The following PRKX variants were observed in gnomAD, a reference collection of about 807,000 sequenced individuals.
PRKX encodes cAMP-dependent protein kinase catalytic subunit PRKX.
In PRKX, 12 loss-of-function variants were observed where a neutral mutation model predicts 22.0. The observed-to-expected ratio is 0.54, with a 90% CI of 0.35 to 0.88. The LOEUF (loss-of-function observed/expected upper bound fraction) is 0.88, where lower values mean the gene tolerates loss of function less well. PRKX is among the 40% of genes least tolerant of loss of function. The pLI, the probability that PRKX is intolerant of heterozygous loss-of-function variation, is 0.01. For missense variants in PRKX, 217 were observed against 308.0 expected, an observed-to-expected ratio of 0.70 and a Z score of 2.21; for synonymous variants, 134 against 137.7, an observed-to-expected ratio of 0.97 and a Z score of 0.19.
In PRKX at chrX:3,713,642, A is replaced by T. The variant is rs1038188558; in HGVS notation, c.-389T>A. ...CGTGCGCGCTGTTGGGGCGGGCGGA[A>T]GCCGCCTGGGCGTGACCGCGCCTCT... On this transcript the variant is annotated 5_prime_UTR_variant, in exon 1 of 9. Coordinates refer to ENST00000262848, the MANE Select transcript of PRKX (RefSeq NM_005044.5). 3 of 115,537 alleles carry T rather than the reference A, an allele frequency of 2.6e-5. No homozygotes were observed. The highest frequency in any genetic ancestry group is 9.7e-5 in the African/African-American group (3 of 31,088). 9.5% of individuals were successfully genotyped at this position (115,537 alleles called of 1,213,427 possible).
At position 3,681,694 on chromosome X, in the gene PRKX, A is replaced by G. The variant is rs1201623877; in HGVS notation, c.167-6928T>C. 2.0e-5 allele frequency among the ~76,000 whole-genome samples: 2 copies of G among 100,471 alleles called. 1 individual carries two copies. The highest frequency in any genetic ancestry group is 4.2e-5 in the Non-Finnish European group (2 of 47,535). The allele number at this position is 100,471 out of a possible 115,157, so 87.2% of individuals were successfully genotyped here. On this transcript the variant is annotated intron_variant, in intron 1 of 8. Coordinates refer to ENST00000262848, the MANE Select transcript of PRKX (RefSeq NM_005044.5). ...TAATAAATATATCTCTCTTGGTTCA[A>G]AAATCTAAAGAGAAATAATTTTTTT...
intron 2 of PRKX, chrX:3,668,323 G>A (rs969020102): frequency 9.0e-6 from 1 of 111,368 alleles, no homozygotes; most frequent in Non-Finnish European, 1.9e-5. Context: ...TGCTTTGCAG[G>A]CAGTGATGAC....
At chrX:3,628,639 G>T (rs1186503391) in intron 4 of PRKX, among the ~76,000 whole-genome samples, 1 of 111,763 alleles carries the variant, frequency 8.9e-6, no homozygotes, top group Non-Finnish European at 1.9e-5. Context: ...GGGAGGCTGA[G>T]GGGGGAGGAT....
intron 1 of PRKX, among the ~76,000 whole-genome samples, chrX:3,688,219 G>A (rs776494323): frequency 0.085 from 8,552 of 100,895 alleles, 633 homozygotes; most frequent in East Asian, 0.27. Flanking sequence ...GCCGAGGCAG[G>A]TGGATGATCT....
intron 3 of PRKX, among the ~76,000 whole-genome samples, chrX:3,644,050 A>C (rs1326769333): frequency 1.1e-4 from 12 of 109,951 alleles, no homozygotes; most frequent in African/African-American, 4.0e-4. Context: ...CCTTGGGATA[A>C]CAACAAACTG....
chrX:3,646,247 G>A (rs1175786755), intron 3 of PRKX, among the ~76,000 whole-genome samples: 1 of 111,224 alleles, frequency 9.0e-6, no homozygotes, highest in East Asian at 2.8e-4. Context: ...AGCCGAGATC[G>A]CACCACTGCA....
intron 2 of PRKX, among the ~76,000 whole-genome samples, chrX:3,665,058 T>C (rs1927691505): frequency 8.9e-6 from 1 of 112,323 alleles, no homozygotes; most frequent in Admixed American, 9.4e-5. Context: ...ATGCATACTC[T>C]AGTGGCATGA....
intron 2 of PRKX, among the ~76,000 whole-genome samples, chrX:3,659,845 C>A (rs1927559774): frequency 1.8e-5 from 2 of 108,950 alleles, no homozygotes; most frequent in Non-Finnish European, 3.8e-5. Flanking sequence ...CCGCCTCAGC[C>A]TCCCGAGTAG....
chrX:3,654,081 T>C (rs1446197822), intron 3 of PRKX, among the ~76,000 whole-genome samples: 1 of 85,654 alleles, frequency 1.2e-5, no homozygotes, highest in Non-Finnish European at 2.1e-5. Flanking sequence ...ATATAATATA[T>C]ATATGTAGTA....
In PRKX at chrX:3,608,066, G is replaced by A. The variant is rs980614671; in HGVS notation, c.*903C>T. 7 of 108,004 alleles carry A rather than the reference G, an allele frequency of 6.5e-5. No homozygotes were observed. Among genetic ancestry groups the A allele is most frequent in the African/African-American group, 2.4e-4 (7 of 29,562 alleles). The allele number at this position is 108,004 out of a possible 1,213,427, so 8.9% of individuals were successfully genotyped here. ...CCGGCTAATTTTTTTGTATTTTGTA[G>A]AGATGAGGTCTCACCACGTTTCCCA... On this transcript the variant is annotated 3_prime_UTR_variant, in exon 9 of 9. Coordinates refer to ENST00000262848, the MANE Select transcript of PRKX (RefSeq NM_005044.5).
At chrX:3,660,852 T>C (rs182075999) in intron 2 of PRKX, among the ~76,000 whole-genome samples, 75 of 108,806 alleles carry the variant, frequency 6.9e-4, no homozygotes, top group African/African-American at 2.1e-3. Flanking sequence ...AGGAAGAGAG[T>C]TAGGGCTTTG....
At chrX:3,681,373 C>T (rs1237825639) in intron 1 of PRKX, among the ~76,000 whole-genome samples, 1 of 110,433 alleles carries the variant, frequency 9.1e-6, no homozygotes, top group Non-Finnish European at 1.9e-5. Context: ...AGAAATAGGC[C>T]GGGCACAGTA....
At chrX:3,622,833 C>G (rs6567573) in intron 5 of PRKX, among the ~76,000 whole-genome samples, 3 of 106,662 alleles carry the variant, frequency 2.8e-5, no homozygotes, top group Admixed American at 1.0e-4. Context: ...CATGCTCCCC[C>G]CTGCCAAAAA....
At chrX:3,673,783 C>T (rs1439119601) in intron 2 of PRKX, among the ~76,000 whole-genome samples, 3 of 110,890 alleles carry the variant, frequency 2.7e-5, no homozygotes, top group African/African-American at 9.8e-5. Flanking sequence ...ATGTTGGATC[C>T]TCACCCCCAA....
At chrX:3,617,507 TTGG>T (rs1351385551) in intron 6 of PRKX, among the ~76,000 whole-genome samples, 4 of 109,878 alleles carry the variant, frequency 3.6e-5, no homozygotes, top group Non-Finnish European at 7.6e-5. Context: ...TTAGCCAGCC[TTGG>T]TGGTGCATGC....
At chrX:3,677,849 G>C (rs1401949401) in intron 1 of PRKX, among the ~76,000 whole-genome samples, 7 of 111,909 alleles carry the variant, frequency 6.3e-5, no homozygotes, top group African/African-American at 2.3e-4. Context: ...GTGTAAGAAG[G>C]AAACAATGTC....
At chrX:3,627,437 T>A (rs1376885954) in intron 4 of PRKX, among the ~76,000 whole-genome samples, 1 of 99,250 alleles carries the variant, frequency 1.0e-5, no homozygotes, top group African/African-American at 3.7e-5. Flanking sequence ...AAATAAGAAA[T>A]GCTGGTGAGG....
chrX:3,709,573 C>G (rs1928747815), intron 1 of PRKX, among the ~76,000 whole-genome samples: 1 of 111,030 alleles, frequency 9.0e-6, no homozygotes, highest in Non-Finnish European at 1.9e-5. Context: ...ACTTGGGGTA[C>G]CCATGACAAG....
intron 1 of PRKX, among the ~76,000 whole-genome samples, chrX:3,693,290 T>C (rs1928371374): frequency 9.0e-6 from 1 of 111,388 alleles, no homozygotes; most frequent in Non-Finnish European, 1.9e-5. Flanking sequence ...AAGGCCTCTT[T>C]AAGAAGTAAA....
Sources: allele counts gnomAD v4.1 joint callset (sites outside exome capture counted in the v4.1 genomes callset), GRCh38; gene constraint gnomAD v4.1.1; transcripts MANE v1.5; gene names NCBI Gene and HGNC (gene_info 2026-07-23, HGNC 2026-07-21).